NINL: variants seen among roughly 807,000 people sequenced by gnomAD.
NINL encodes the protein ninein-like protein.
In NINL, 153 loss-of-function variants were observed where a neutral mutation model predicts 160.3. The ratio of observed to expected loss-of-function variants is 0.95; its 90% CI spans 0.84 to 1.09. The LOEUF (loss-of-function observed/expected upper bound fraction) is 1.09, where lower values mean the gene tolerates loss of function less well. Ranked by LOEUF, NINL falls within the 50% of genes least tolerant of loss-of-function variation. The probability of loss-of-function intolerance (pLI) is 0.00; values close to 1 mark genes in which losing one functional copy is unlikely to be tolerated. For synonymous variants in NINL, 800 were observed against 734.8 expected, an observed-to-expected ratio of 1.09 and a Z score of -1.43; for missense variants, 1,829 against 1,764.0, an observed-to-expected ratio of 1.04 and a Z score of -0.66.
intron 1 of NINL, among the ~76,000 whole-genome samples, chr20:25,554,810 CA>C (rs1343648210): frequency 6.6e-6 from 1 of 151,868 alleles, no homozygotes; most frequent in Non-Finnish European, 1.5e-5. Flanking sequence ...ATCTTAAAAA[CA>C]AACAAACAAA....
intron 7 of NINL, among the ~76,000 whole-genome samples, chr20:25,503,625 T>C (rs954352175): frequency 6.6e-6 from 1 of 152,040 alleles, no homozygotes; most frequent in Non-Finnish European, 1.5e-5. Flanking sequence ...TGAGCTGCCA[T>C]GTTCCTCAGC....
intron 21 of NINL, among the ~76,000 whole-genome samples, chr20:25,459,727 G>T (rs150732141): frequency 6.6e-6 from 1 of 152,184 alleles, no homozygotes; most frequent in Non-Finnish European, 1.5e-5. Context: ...TAATTAAGCC[G>T]CTCCACAGCA....
chr20:25,492,333 A>G (rs986300425), intron 10 of NINL, among the ~76,000 whole-genome samples: 7 of 152,152 alleles, frequency 4.6e-5, no homozygotes, highest in African/African-American at 1.7e-4. Context: ...CTATCAGCCT[A>G]CTCTTTAAAA....
At chr20:25,519,984 C>CG (rs1568938004) in intron 2 of NINL, among the ~76,000 whole-genome samples, 5 of 89,134 alleles carry the variant, frequency 5.6e-5, no homozygotes, top group Non-Finnish European at 1.0e-4. Flanking sequence ...AGTGAGACCC[C>CG]GTCTCAAAAA....
At chr20:25,545,632 C>T (rs2064722214) in intron 1 of NINL, among the ~76,000 whole-genome samples, 1 of 152,170 alleles carries the variant, frequency 6.6e-6, no homozygotes, top group Non-Finnish European at 1.5e-5. Flanking sequence ...CCAGCATTAA[C>T]ATTAAAACAG....
At chr20:25,523,853 CT>C (rs2064307236) in intron 2 of NINL, among the ~76,000 whole-genome samples, 1 of 151,720 alleles carries the variant, frequency 6.6e-6, no homozygotes. Flanking sequence ...ATTGGTCAGG[CT>C]GATCTCCACC....
chr20:25,510,845 T>G (rs1488168152), intron 4 of NINL, 105 bp from the exon 5 acceptor site: 2 of 856,562 alleles, frequency 2.3e-6, no homozygotes, highest in Non-Finnish European at 3.8e-6. Context: ...GGGGGATGGC[T>G]GAGTATGGAG....
At chr20:25,585,098 G>C (rs1026005197) in intron 1 of NINL, among the ~76,000 whole-genome samples, 2 of 152,246 alleles carry the variant, frequency 1.3e-5, no homozygotes, top group Admixed American at 1.3e-4. Flanking sequence ...TCATTACCAC[G>C]GGGGGCCCCG....
rs41310175 is a variant in NINL, at chr20:25,458,400, G to A, written c.3826C>T (p.Arg1276Cys). ...CCACTTACCCGCTGTGCATCCAGGC[G>A]CCTCCTGGCCTGCTCTCCCTGAAGG... Reference protein sequence around the residue: ...LSLQGEQARRRLDAQREEHEK... With the variant: ...LSLQGEQARRCLDAQREEHEK... Residue 1276 changes from arginine to cysteine, a missense_variant, in exon 22 of 24, where the codon CGC becomes TGC. Arg to Cys is a radical substitution (Grantham distance 180). Coordinates refer to ENST00000278886, the MANE Select transcript of NINL (RefSeq NM_025176.6). 65,511 of 1,606,358 alleles carry A rather than the reference G, an allele frequency of 0.041. 1,623 individuals carry two copies. The highest frequency in any genetic ancestry group is 0.049 in the Non-Finnish European group (57,663 of 1,179,944).
intron 3 of NINL, among the ~76,000 whole-genome samples, chr20:25,513,613 T>C (rs1473837004): frequency 6.6e-6 from 1 of 152,216 alleles, no homozygotes; most frequent in East Asian, 1.9e-4. Context: ...CCCACCCAAA[T>C]CTCATGTCAA....
intron 1 of NINL, among the ~76,000 whole-genome samples, chr20:25,585,238 T>C (rs2065215879): frequency 6.6e-6 from 1 of 152,134 alleles, no homozygotes; most frequent in South Asian, 2.1e-4. Flanking sequence ...CGCTGTATTT[T>C]AGGGCGTGAC....
At chr20:25,479,681 A>G (rs2063345307) in intron 15 of NINL, among the ~76,000 whole-genome samples, 1 of 152,200 alleles carries the variant, frequency 6.6e-6, no homozygotes, top group East Asian at 1.9e-4. Flanking sequence ...AACTGGACAC[A>G]CAACAAGTCA....
At chr20:25,519,767 A>C (rs2064228535) in intron 2 of NINL, among the ~76,000 whole-genome samples, 1 of 152,154 alleles carries the variant, frequency 6.6e-6, no homozygotes, top group Non-Finnish European at 1.5e-5. Context: ...CTGTAATCCC[A>C]GCACTTCGGG....
intron 1 of NINL, among the ~76,000 whole-genome samples, chr20:25,580,986 G>C (rs557333190): frequency 2.0e-5 from 3 of 152,386 alleles, no homozygotes; most frequent in Non-Finnish European, 2.9e-5. Flanking sequence ...CACAGCGCTG[G>C]AAATGCCTTC....
At chr20:25,582,027 C>G (rs6115216) in intron 1 of NINL, among the ~76,000 whole-genome samples, 135,553 of 152,238 alleles carry the variant, frequency 0.89, 60,857 homozygotes, top group East Asian at 0.99. Context: ...GGAGGCCGAG[C>G]GGGGTGGATC....
chr20:25,467,354 T>C lies in NINL; in HGVS notation c.3423+35A>G, dbSNP rs560036603. On this transcript the variant is annotated intron_variant, in intron 19 of 23. Coordinates refer to ENST00000278886, the MANE Select transcript of NINL (RefSeq NM_025176.6). ...TCAAAATAATGAAAAAAAGGAATGG[T>C]GGCATGAGCTCCATGCCAGGCGTCG... 5 of 1,468,580 alleles carry C rather than the reference T, an allele frequency of 3.4e-6. No individual in the cohort carries two copies. The African/African-American group carries it at 6.9e-5, about 20-fold the overall frequency. 91.0% of individuals were successfully genotyped at this position (1,468,580 alleles called of 1,614,324 possible).
Position 25,453,536 on chromosome 20 carries a change from T to C in NINL, c.4064A>G (p.Glu1355Gly). ...QATEEKQRGA[E>G]KQSRLLEEKV... ...TTCTTCCAAGAGGCGGCTTTGTTTC[T>C]CGGCGCCTCGCTGCTTCTCCTCGGT... is the stretch of plus-strand genomic sequence containing the variant. The change falls in exon 24 of 24, where the codon GAG becomes GGG. Residue 1355 changes from glutamate (E) to glycine (G), a missense_variant. Transcript: ENST00000278886. 6.2e-7 allele frequency: 1 copy of C among 1,614,136 alleles called. No individual in the cohort carries two copies. Among genetic ancestry groups the C allele is most frequent in the South Asian group, 1.1e-5 (1 of 91,070 alleles).
At chr20:25,477,420 A>G (rs541614594) in intron 16 of NINL, among the ~76,000 whole-genome samples, 1 of 152,290 alleles carries the variant, frequency 6.6e-6, no homozygotes, top group East Asian at 1.9e-4. Context: ...CCAAGCCCTC[A>G]AGGCTCCCAA....
rs760131174 is a variant in NINL, at chr20:25,553,103, G to GTTTT, written c.-11-26506_-11-26505insAAAA. On this transcript the variant is annotated intron_variant, in intron 1 of 23. Coordinates refer to ENST00000278886, the MANE Select transcript of NINL (RefSeq NM_025176.6). ...TGGAAGTTACTTCTCACCCTTGTTG[G>GTTTT]GTTTTTTTTTTTTTTTTTGGAGATG... Among the ~76,000 whole-genome samples, 536 of 57,982 alleles carry GTTTT rather than the reference G, an allele frequency of 9.2e-3. 21 individuals carry two copies. Among genetic ancestry groups the GTTTT allele is most frequent in the East Asian group, 0.02 (66 of 3,324 alleles). 38.0% of individuals were successfully genotyped at this position (57,982 alleles called of 152,430 possible). A position where few individuals can be genotyped will look rare whatever the true frequency, so the allele number is the denominator to read the frequency against.
Sources: gnomAD v4.1 joint callset for allele counts (sites outside exome capture counted in the v4.1 genomes callset) on GRCh38, gnomAD v4.1.1 for gene constraint, MANE v1.5 for transcripts, NCBI Gene and HGNC (gene_info 2026-07-23, HGNC 2026-07-21) for gene names.